Variants in RNF216 observed in about 807,000 individuals in gnomAD.
The protein encoded by RNF216 is E3 ubiquitin-protein ligase RNF216.
In RNF216, 72 loss-of-function variants were observed where a neutral mutation model predicts 110.8. The observed-to-expected ratio is 0.65, with a 90% confidence interval of 0.54 to 0.79. The LOEUF (loss-of-function observed/expected upper bound fraction) is 0.79. RNF216 is among the 30% of genes least tolerant of loss of function. The pLI is 0.00. For missense variants in RNF216, 1,342 were observed against 1,141.2 expected, an observed-to-expected ratio of 1.18 and a Z score of -2.54; for synonymous variants, 495 against 407.5, an observed-to-expected ratio of 1.21 and a Z score of -2.59.
chr7:5,715,342 G>A (rs1388397015), intron 10 of RNF216, 152 bp from the exon 11 acceptor site: 20 of 686,456 alleles, frequency 2.9e-5, no homozygotes, highest in Non-Finnish European at 3.7e-5. Context: ...ATGCTGTTTC[G>A]TGCTATATAA....
In RNF216 at chr7:5,741,659, C is replaced by A. The variant is rs1794766058; in HGVS notation, c.358G>T (p.Asp120Tyr). 1 of 1,614,032 alleles carries A rather than the reference C, an allele frequency of 6.2e-7. No homozygotes were observed. The highest frequency in any genetic ancestry group is 1.1e-5 in the South Asian group (1 of 91,082). ...TCAGAATCATCCTGTGCCCCAGAAT[C>A]AAACAATGGGTTGTTACACACTGAA... is the stretch of plus-strand genomic sequence containing the variant. ...YFSVCNNPLFDSGAQDDSEDD... is the reference protein window; with the variant it reads ...YFSVCNNPLFYSGAQDDSEDD... Residue 120 changes from aspartate (D) to tyrosine (Y), a missense_variant, in exon 4 of 17, where the codon GAT (aspartate) becomes TAT (tyrosine). By Grantham distance (160) the Asp-to-Tyr change is radical. Transcript: ENST00000389902.
chr7:5,636,003 A>C (rs1787375806), intron 15 of RNF216, among the ~76,000 whole-genome samples: 1 of 152,228 alleles, frequency 6.6e-6, no homozygotes, highest in Admixed American at 6.5e-5. Context: ...GCCAAAACCC[A>C]AGACAAACAC....
At chr7:5,774,882 C>T (rs1796691362) in intron 1 of RNF216, 1 of 152,046 alleles carries the variant, frequency 6.6e-6, no homozygotes, top group Non-Finnish European at 1.5e-5. Flanking sequence ...CTCAGCCTCC[C>T]AAGTTACAGG....
intron 6 of RNF216, among the ~76,000 whole-genome samples, chr7:5,730,357 C>A (rs1169488561): frequency 6.6e-6 from 1 of 152,094 alleles, no homozygotes; most frequent in Middle Eastern, 3.2e-3. Flanking sequence ...TTCAATTTTT[C>A]TGTAGGTTTG....
intron 7 of RNF216, among the ~76,000 whole-genome samples, chr7:5,727,581 G>C (rs1035601799): frequency 6.6e-6 from 1 of 151,660 alleles, no homozygotes; most frequent in African/African-American, 2.4e-5. Context: ...GAAATAAAAA[G>C]ATCATCCAGG....
chr7:5,738,223 AT>A (rs1412218003), intron 5 of RNF216, among the ~76,000 whole-genome samples: 1 of 151,918 alleles, frequency 6.6e-6, no homozygotes, highest in Non-Finnish European at 1.5e-5. Flanking sequence ...TTTACCACTT[AT>A]AAAAAATTTT....
chr7:5,675,711 A>ATCCTTTTTT (rs1562815247), intron 13 of RNF216, among the ~76,000 whole-genome samples: 1 of 132,572 alleles, frequency 7.5e-6, no homozygotes, highest in African/African-American at 3.4e-5. Context: ...CTCTATTCAA[A>ATCCTTTTTT]TTCTTTTTTT....
At chr7:5,669,985 G>T (rs1789797669) in intron 13 of RNF216, among the ~76,000 whole-genome samples, 2 of 151,516 alleles carry the variant, frequency 1.3e-5, no homozygotes, top group Non-Finnish European at 2.9e-5. Context: ...GGAGTGCAGT[G>T]GCGCGATCTT....
chr7:5,758,740 T>C (rs1290279374), intron 2 of RNF216, among the ~76,000 whole-genome samples: 1 of 152,190 alleles, frequency 6.6e-6, no homozygotes, highest in Non-Finnish European at 1.5e-5. Context: ...CCCCATAGTA[T>C]CTTGGGAATA....
At chr7:5,651,016 G>T (rs956120081) in intron 14 of RNF216, among the ~76,000 whole-genome samples, 3 of 152,130 alleles carry the variant, frequency 2.0e-5, no homozygotes, top group Admixed American at 1.3e-4. Context: ...CCTTGCCCAC[G>T]TGACAATCTA....
At chr7:5,698,902 A>C (rs1394741101) in intron 13 of RNF216, among the ~76,000 whole-genome samples, 1 of 152,216 alleles carries the variant, frequency 6.6e-6, no homozygotes. Context: ...TAAAAAACTG[A>C]ACAAGCCACA....
chr7:5,624,981 C>T lies in RNF216; in HGVS notation c.2383-856G>A, dbSNP rs1786619108. Among the ~76,000 whole-genome samples, 1 of 152,208 alleles carries T rather than the reference C, an allele frequency of 6.6e-6. No individual in the cohort carries two copies. Among genetic ancestry groups the T allele is most frequent in the African/African-American group, 2.4e-5 (1 of 41,454 alleles). ...CTTCATGAGTGGCGCTTACCTTAAC[C>T]CCCCTCCTCAGTGACCCACAAAACA... On this transcript the variant is annotated intron_variant, in intron 15 of 16. Coordinates refer to ENST00000389902, the MANE Select transcript of RNF216 (RefSeq NM_207111.4). The surrounding 1 kb of genome is among the most constrained non-coding windows in gnomAD (Gnocchi z 4.4).
At chr7:5,631,183 G>A (rs117859886) in intron 15 of RNF216, among the ~76,000 whole-genome samples, 2,717 of 152,300 alleles carry the variant, frequency 0.018, 36 homozygotes, top group Non-Finnish European at 0.029. Flanking sequence ...CGCAGAGCAA[G>A]GGGCTGTGTT....
At chr7:5,739,934 C>T (rs1367614512) in intron 4 of RNF216, among the ~76,000 whole-genome samples, 5 of 149,606 alleles carry the variant, frequency 3.3e-5, no homozygotes, top group African/African-American at 1.2e-4. Context: ...ACCCAGGAGG[C>T]GGAGGTTGCA....
chr7:5,628,774 G>C (rs779476296), intron 15 of RNF216, among the ~76,000 whole-genome samples: 1 of 151,354 alleles, frequency 6.6e-6, no homozygotes, highest in Non-Finnish European at 1.5e-5. Flanking sequence ...ACCCAACCTT[G>C]GTCTCCCCAA....
chr7:5,681,600 A>T (rs577711677), intron 13 of RNF216, among the ~76,000 whole-genome samples: 1 of 152,336 alleles, frequency 6.6e-6, no homozygotes, highest in Non-Finnish European at 1.5e-5. Flanking sequence ...GACCACACTG[A>T]CAACCTTTCA....
At chr7:5,715,736 CTTTTTTTTTTTT>C (rs58929486) in intron 10 of RNF216, among the ~76,000 whole-genome samples, 1 of 113,832 alleles carries the variant, frequency 8.8e-6, no homozygotes, top group Non-Finnish European at 1.9e-5. Context: ...CCAACTCATT[CTTTTTTTTTTTT>C]TTTTTTTTTT....
At chr7:5,682,914 G>A (rs2128606679) in intron 13 of RNF216, among the ~76,000 whole-genome samples, 1 of 152,184 alleles carries the variant, frequency 6.6e-6, no homozygotes, top group South Asian at 2.1e-4. Context: ...CGTTAATGTA[G>A]CATCAAAACC....
intron 13 of RNF216, among the ~76,000 whole-genome samples, chr7:5,710,441 C>A (rs1221789305): frequency 6.6e-6 from 1 of 151,796 alleles, no homozygotes; most frequent in African/African-American, 2.4e-5. Context: ...CCCAATTGTA[C>A]ATAAGCACTT....
Sources: allele counts gnomAD v4.1 joint callset (sites outside exome capture counted in the v4.1 genomes callset), GRCh38; gene constraint gnomAD v4.1.1; non-coding constraint Gnocchi (gnomAD v3.1); transcripts MANE v1.5; gene names NCBI Gene and HGNC (gene_info 2026-07-23, HGNC 2026-07-21).